The following TTC29 variants were observed in gnomAD, a reference collection of about 807,000 sequenced individuals.
The protein encoded by TTC29 is tetratricopeptide repeat protein 29.
TTC29 carries 49 observed loss-of-function variants against 58.1 expected under a neutral mutation model. The ratio of observed to expected loss-of-function variants is 0.84; its 90% confidence interval spans 0.67 to 1.07. The LOEUF is 1.07. TTC29 is among the 50% of genes least tolerant of loss of function. The pLI, the probability that TTC29 is intolerant of heterozygous loss-of-function variation, is 0.00. For synonymous variants in TTC29, 209 were observed against 196.8 expected, an observed-to-expected ratio of 1.06 and a Z score of -0.52; for missense variants, 582 against 555.6, an observed-to-expected ratio of 1.05 and a Z score of -0.48.
chr4:146,801,548 G>A (rs1750217305), intron 11 of TTC29, among the ~76,000 whole-genome samples: 1 of 151,716 alleles, frequency 6.6e-6, no homozygotes, highest in Non-Finnish European at 1.5e-5. Flanking sequence ...ACAAATAGCT[G>A]TTTTTAATAT....
At chr4:146,725,905 C>T (rs1248351854) in intron 11 of TTC29, among the ~76,000 whole-genome samples, 1 of 152,128 alleles carries the variant, frequency 6.6e-6, no homozygotes, top group East Asian at 1.9e-4. Context: ...CAGGGTCTCA[C>T]TCTGTTGCCC....
Position 146,846,128 on chromosome 4 carries a change from A to C in TTC29, c.886-12231T>G, listed in dbSNP as rs550836591. 2.5e-4 allele frequency among the ~76,000 whole-genome samples: 38 copies of C among 152,320 alleles called. 1 individual carries two copies. In the South Asian group the frequency reaches 7.7e-3, roughly 31 times the overall value. ...TACCGCATTCAATAAGAGAAAAAAA[A>C]ATGACAGTTTATACCTATGGTAAAT... On this transcript the variant is annotated intron_variant, in intron 8 of 12. Transcript: ENST00000325106.
At chr4:146,848,803 A>C (rs12501579) in intron 8 of TTC29, among the ~76,000 whole-genome samples, 9,384 of 152,212 alleles carry the variant, frequency 0.062, 401 homozygotes, top group Admixed American at 0.13. Context: ...TTAGACCTGT[A>C]CCTGTCCCCA....
At chr4:146,832,080 G>A (rs967936294) in intron 9 of TTC29, among the ~76,000 whole-genome samples, 3 of 152,050 alleles carry the variant, frequency 2.0e-5, no homozygotes, top group Admixed American at 2.0e-4. Flanking sequence ...CAGTTATGCT[G>A]GAACACAATG....
Position 146,733,012 on chromosome 4 carries a change from C to T in TTC29, c.1331-25461G>A, listed in dbSNP as rs140834138. 8.5e-5 allele frequency among the ~76,000 whole-genome samples: 13 copies of T among 152,126 alleles called. No homozygotes were observed. In the East Asian group the frequency reaches 1.7e-3, roughly 20 times the overall value. On this transcript the variant is annotated intron_variant, in intron 11 of 12. Transcript: ENST00000325106. The stretch of plus-strand genomic sequence containing the variant: ...CCAGGCTTCAATTAGCACAAGGCAG[C>T]CAAAGGAATAGTGGGAGAAAGGTGG...
At chr4:146,790,582 C>A (rs73852704) in intron 11 of TTC29, among the ~76,000 whole-genome samples, 8,653 of 152,062 alleles carry the variant, frequency 0.057, 850 homozygotes, top group African/African-American at 0.2. Flanking sequence ...GCATCTAAAT[C>A]TCCATTCCTA....
At chr4:146,937,136 T>A (rs1735896940) in intron 4 of TTC29, among the ~76,000 whole-genome samples, 1 of 152,070 alleles carries the variant, frequency 6.6e-6, no homozygotes, top group African/African-American at 2.4e-5. Flanking sequence ...TGGAATTATT[T>A]AAAAATTAAC....
intron 8 of TTC29, among the ~76,000 whole-genome samples, chr4:146,844,612 C>T (rs1443961175): frequency 6.6e-6 from 1 of 151,996 alleles, no homozygotes; most frequent in African/African-American, 2.4e-5. Flanking sequence ...AACTCCTGGG[C>T]TCATGCAATC....
At chr4:146,942,510 T>C (rs918225382) in intron 2 of TTC29, 7 of 847,628 alleles carry the variant, frequency 8.3e-6, no homozygotes, top group Non-Finnish European at 1.3e-5. Context: ...ACAGAGCATA[T>C]GGTAAGAAGT....
chr4:146,763,754 C>G (rs575320518), intron 11 of TTC29: 1 of 152,168 alleles, frequency 6.6e-6, no homozygotes, highest in Non-Finnish European at 1.5e-5. Context: ...TGGTTACCAT[C>G]TAAAGTGAGT....
At chr4:146,778,401 A>T (rs1196255423) in intron 11 of TTC29, among the ~76,000 whole-genome samples, 1 of 152,056 alleles carries the variant, frequency 6.6e-6, no homozygotes, top group African/African-American at 2.4e-5. Context: ...TTTTTTGAAA[A>T]AAAATTTTAA....
intron 6 of TTC29, among the ~76,000 whole-genome samples, chr4:146,878,392 C>A (rs1731414761): frequency 6.6e-6 from 1 of 152,104 alleles, no homozygotes; most frequent in South Asian, 2.1e-4. Context: ...AGGTGCTAGT[C>A]AAAATGCAAG....
At position 146,937,350 on chromosome 4, in the gene TTC29, A is replaced by C. The variant is rs1312038143; in HGVS notation, c.176+244T>G. Reference sequence around the variant, plus strand: ...GCAATTAATAGCACAGACTTAACTAAATATTGCAAATGTGATAGTATAATA... The same window carrying C: ...GCAATTAATAGCACAGACTTAACTACATATTGCAAATGTGATAGTATAATA... On this transcript the variant is annotated intron_variant, in intron 4 of 12. Coordinates refer to ENST00000325106, the MANE Select transcript of TTC29 (RefSeq NM_031956.4). 2.0e-5 allele frequency among the ~76,000 whole-genome samples: 3 copies of C among 152,054 alleles called. No individual in the cohort carries two copies. The East Asian group carries it at 5.8e-4, about 29-fold the overall frequency.
intron 11 of TTC29, among the ~76,000 whole-genome samples, chr4:146,752,412 A>G (rs1271458809): frequency 2.0e-5 from 3 of 147,900 alleles, no homozygotes; most frequent in Non-Finnish European, 4.4e-5. Flanking sequence ...GGATACAAAC[A>G]AATGGAAGAA....
rs538186847 is a variant in TTC29, at chr4:146,856,169, G to A, written c.885+11329C>T. ...TTTGAACTTCATCCTCTTAGGATGC[G>A]CTAAATAAAAAATTTTATCCTTTCC... On this transcript the variant is annotated intron_variant, in intron 8 of 12. Transcript: ENST00000325106. 1.1e-4 allele frequency among the ~76,000 whole-genome samples: 16 copies of A among 152,146 alleles called. 2 individuals carry two copies. Among genetic ancestry groups the A allele is most frequent in the Admixed American group, 3.3e-4 (5 of 15,274 alleles).
Position 146,836,178 on chromosome 4 carries a change from G to T in TTC29, c.886-2281C>A, listed in dbSNP as rs538815989. On this transcript the variant is annotated intron_variant, in intron 8 of 12. Transcript: ENST00000325106. The stretch of plus-strand genomic sequence containing the variant: ...AAGTGCTATGTAGATATTAGGACAA[G>T]AATTATTTGGGAACCTGTTATTTAG... Among the ~76,000 whole-genome samples, 6 of 152,258 alleles carry T rather than the reference G, an allele frequency of 3.9e-5. No individual in the cohort carries two copies. In the East Asian group the frequency reaches 1.2e-3, roughly 29 times the overall value.
intron 10 of TTC29, among the ~76,000 whole-genome samples, chr4:146,808,191 C>A (rs116235808): frequency 1.3e-5 from 2 of 152,044 alleles, no homozygotes; most frequent in African/African-American, 2.4e-5. Context: ...ATTAAACATG[C>A]CTTCATGCTA....
chr4:146,868,244 G>A (rs1302354732), intron 7 of TTC29, among the ~76,000 whole-genome samples: 3 of 151,962 alleles, frequency 2.0e-5, no homozygotes, highest in Admixed American at 6.6e-5. Flanking sequence ...AGTGGGGAGG[G>A]GTAGCATTAG....
chr4:146,899,603 T>C (rs1044573948), intron 6 of TTC29, among the ~76,000 whole-genome samples: 1 of 152,130 alleles, frequency 6.6e-6, no homozygotes, highest in African/African-American at 2.4e-5. Context: ...AAGACCCATT[T>C]TTAGCAGCAG....
Sources: gnomAD v4.1 joint callset for allele counts (sites outside exome capture counted in the v4.1 genomes callset) on GRCh38, gnomAD v4.1.1 for gene constraint, MANE v1.5 for transcripts, NCBI Gene and HGNC (gene_info 2026-07-23, HGNC 2026-07-21) for gene names.